The following AMZ1 variants were observed in gnomAD, a reference collection of about 807,000 sequenced individuals.
AMZ1 encodes archaelysin family metallopeptidase 1, also known as archaemetzincin-1.
A neutral mutation model predicts 29.9 loss-of-function variants in AMZ1; 39 were observed. That is an observed-to-expected ratio of 1.30 (90% CI 1.01 to 1.70). The LOEUF (loss-of-function observed/expected upper bound fraction) is 1.70, where lower values mean the gene tolerates loss of function less well. AMZ1 is among the 40% of genes most tolerant of loss of function. The pLI, the probability that AMZ1 is intolerant of heterozygous loss-of-function variation, is 0.00. For synonymous variants in AMZ1, 458 were observed against 304.0 expected (o/e 1.51, Z -5.27); for missense variants, 1,041 against 680.6 (o/e 1.53, Z -5.89).
intron 1 of AMZ1, among the ~76,000 whole-genome samples, chr7:2,698,966 G>A (rs753755222): frequency 4.6e-5 from 7 of 152,172 alleles, no homozygotes; most frequent in East Asian, 1.9e-4. Flanking sequence ...TGGGTTTTGC[G>A]TGTCTAGCTC....
At chr7:2,692,117 G>C (rs180681679) in intron 1 of AMZ1, among the ~76,000 whole-genome samples, 151 of 152,346 alleles carry the variant, frequency 9.9e-4, no homozygotes, top group African/African-American at 3.5e-3. Context: ...AAGCTGGTGA[G>C]TCTCCTGTGG....
At chr7:2,690,997 C>CT (rs2115050306) in intron 1 of AMZ1, among the ~76,000 whole-genome samples, 1 of 152,036 alleles carries the variant, frequency 6.6e-6, no homozygotes, top group South Asian at 2.1e-4. Context: ...CAAAATTAGC[C>CT]TGGCATGGTG....
rs1422174252 is a variant in AMZ1 at position 2,718,419 on chromosome 7, G to A, written c.*5541G>A. On this transcript the variant is annotated 3_prime_UTR_variant, in exon 7 of 7. Transcript: ENST00000683327. Reference sequence around the variant, plus strand: ...TCTCCCGTTCAAGGGCCCTCACCGCGCTTTGTGAGTCTGTCTCGTGGGCCT... The same window carrying A: ...TCTCCCGTTCAAGGGCCCTCACCGCACTTTGTGAGTCTGTCTCGTGGGCCT... 2.6e-5 allele frequency among the ~76,000 whole-genome samples: 4 copies of A among 152,158 alleles called. No homozygotes were observed. Among genetic ancestry groups the A allele is most frequent in the Admixed American group, 1.3e-4 (2 of 15,286 alleles).
Position 2,713,178 on chromosome 7 carries a change from G to A in AMZ1, c.*300G>A, listed in dbSNP as rs1788910945. The stretch of plus-strand genomic sequence containing the variant: ...GATTGCTTGAGCCTAGGAGGTCGAG[G>A]CTGCAGTGGGATGTGATCATACCAC... On this transcript the variant is annotated 3_prime_UTR_variant, in exon 7 of 7. Coordinates refer to ENST00000683327, the MANE Select transcript of AMZ1 (RefSeq NM_001384743.1). The A allele has an allele frequency of 7.6e-6, 2 of 261,846 alleles. No homozygotes were observed. The highest frequency in any genetic ancestry group is 5.2e-5 in the Admixed American group (1 of 19,086). The allele number at this position is 261,846 out of a possible 1,614,324, so 16.2% of individuals were successfully genotyped here.
chr7:2,728,361 T>C (rs1583197988), intron 4 of AMZ1: 3 of 152,240 alleles, frequency 2.0e-5, no homozygotes, highest in Admixed American at 2.0e-4. Context: ...AATCTTGGAG[T>C]TAACAATCTG....
chr7:2,700,139 TC>T (rs1787963719), intron 1 of AMZ1, 94 bp from the exon 2 acceptor site: 3 of 393,982 alleles, frequency 7.6e-6, no homozygotes, highest in Admixed American at 3.8e-5. Flanking sequence ...GCAGAGCTTC[TC>T]CCCAGGCCTG....
chr7:2,696,417 T>C (rs533725808), intron 1 of AMZ1, among the ~76,000 whole-genome samples: 15,837 of 150,348 alleles, frequency 0.11, 1,146 homozygotes, highest in Non-Finnish European at 0.15. Flanking sequence ...CCACCACGCC[T>C]GGCTAATTTT....
chr7:2,701,967 T>C (rs972795429), intron 2 of AMZ1: 3 of 152,302 alleles, frequency 2.0e-5, no homozygotes, highest in African/African-American at 7.2e-5. Context: ...CACTGACACA[T>C]GGGCATGTTG....
chr7:2,700,046 G>A (rs998693793), intron 1 of AMZ1, among the ~76,000 whole-genome samples, 188 bp from the exon 2 acceptor site: 1 of 151,388 alleles, frequency 6.6e-6, no homozygotes, highest in African/African-American at 2.4e-5. Flanking sequence ...AGATGAAGTG[G>A]TTGAATGTGT....
rs71026549 is a variant in AMZ1, at chr7:2,757,129, CTTTTTTTTTTTTT to C, written n.551-7571_551-7559del. On this transcript the variant is annotated intron_variant and non_coding_transcript_variant, in intron 4 of 4. Coordinates refer to the AMZ1 transcript ENST00000489665. ...GCAGGCCCGATCTAATCAGGTGGGCCTTTTTTTTTTTTTTTTTTTTTTTTGAGACGGAGTCTTG... is the reference window on the plus strand; with the variant it reads ...GCAGGCCCGATCTAATCAGGTGGGCCTTTTTTTTTTTGAGACGGAGTCTTG... Among the ~76,000 whole-genome samples, 241 of 94,010 alleles carry C rather than the reference CTTTTTTTTTTTTT, an allele frequency of 2.6e-3. 6 individuals carry two copies. In the East Asian group the frequency reaches 0.066, roughly 26 times the overall value. The allele number at this position is 94,010 out of a possible 152,430, so 61.7% of individuals were successfully genotyped here.
At chr7:2,726,432 G>T (rs1789619503) in intron 4 of AMZ1, among the ~76,000 whole-genome samples, 1 of 152,202 alleles carries the variant, frequency 6.6e-6, no homozygotes. Context: ...AAACCTGTAT[G>T]AGTTGGTGTC....
chr7:2,762,518 C>T, upstream of AMZ1: 1 of 1,064,728 alleles, frequency 9.4e-7, no homozygotes, highest in Non-Finnish European at 1.3e-6. Flanking sequence ...CTGTGGACTA[C>T]AAAAGCAGTT....
upstream of AMZ1, among the ~76,000 whole-genome samples, chr7:2,684,152 C>T (rs984920905): frequency 6.6e-6 from 1 of 151,570 alleles, no homozygotes; most frequent in South Asian, 2.1e-4. Flanking sequence ...CACTCCAGCC[C>T]GGGTGACAGA....
At chr7:2,685,644 G>T (rs1294941377), upstream of AMZ1, among the ~76,000 whole-genome samples, 1 of 151,696 alleles carries the variant, frequency 6.6e-6, no homozygotes, top group Non-Finnish European at 1.5e-5. Context: ...CACGAGGTCA[G>T]GAGATCGAGA....
intron 4 of AMZ1, among the ~76,000 whole-genome samples, chr7:2,750,152 G>C (rs989440321): frequency 1.3e-5 from 2 of 152,158 alleles, no homozygotes; most frequent in South Asian, 4.2e-4. Context: ...TCTCCGGTCT[G>C]ACATGTAAAG....
At chr7:2,708,562 C>A (rs369674292) in intron 3 of AMZ1, 26 bp from the exon 4 acceptor site, 177 of 1,610,574 alleles carry the variant, frequency 1.1e-4, no homozygotes, top group Non-Finnish European at 1.4e-4. Flanking sequence ...GCCTCCTGAC[C>A]CCATCCTCTG....
In AMZ1 at chr7:2,702,811, C is replaced by T. The variant is rs1334329140; in HGVS notation, c.394C>T (p.Leu132=). 6.4e-7 allele frequency: 1 copy of T among 1,552,810 alleles called. No individual in the cohort carries two copies. The highest frequency in any genetic ancestry group is 8.7e-7 in the Non-Finnish European group (1 of 1,152,708). Residue 132 remains leucine (L), a synonymous_variant, in exon 3 of 7, where the codon CTG becomes TTG. Transcript: ENST00000683327. ...AFFLGLRVKC[L]PSVAAASIRC... is the part of the protein sequence containing the mutation. ...CTTCCTGGGCCTGCGCGTCAAGTGC[C>T]TGCCGTCGGTGGCAGCCGCGTCCAT...
At chr7:2,762,920 C>A (rs576076836), upstream of AMZ1, 17 of 1,409,212 alleles carry the variant, frequency 1.2e-5, no homozygotes, top group South Asian at 2.1e-4. Flanking sequence ...AGGCCACAGG[C>A]GGGGACGCCC....
intron 1 of AMZ1, among the ~76,000 whole-genome samples, chr7:2,690,380 A>G (rs1181613454): frequency 1.3e-5 from 2 of 152,170 alleles, no homozygotes; most frequent in Non-Finnish European, 2.9e-5. Context: ...AACCATGCCC[A>G]GCTAATTTTT....
Sources: gnomAD v4.1 joint callset for allele counts (sites outside exome capture counted in the v4.1 genomes callset) on GRCh38, gnomAD v4.1.1 for gene constraint, MANE v1.5 for transcripts, NCBI Gene and HGNC (gene_info 2026-07-23, HGNC 2026-07-21) for gene names.